Variants in LUZP2 observed in about 807,000 individuals in gnomAD.
The protein encoded by LUZP2 is leucine zipper protein 2.
LUZP2 carries 52 observed loss-of-function variants against 51.6 expected under a neutral mutation model. The ratio of observed to expected loss-of-function variants is 1.01; its 90% CI spans 0.81 to 1.27. The LOEUF is 1.27. Ranked by LOEUF, LUZP2 falls within the 50% of genes most tolerant of loss-of-function variation. The pLI is 0.00. For synonymous variants in LUZP2, 154 were observed against 137.3 expected, an observed-to-expected ratio of 1.12 and a Z score of -0.85; for missense variants, 436 against 395.4, an observed-to-expected ratio of 1.10 and a Z score of -0.87.
At chr11:24,534,760 A>C (rs1421767523) in intron 1 of LUZP2, among the ~76,000 whole-genome samples, 1 of 151,528 alleles carries the variant, frequency 6.6e-6, no homozygotes, top group African/African-American at 2.4e-5. Flanking sequence ...TTAGAAAAAC[A>C]ATTGTCATAT....
intron 1 of LUZP2, among the ~76,000 whole-genome samples, chr11:24,590,553 A>C (rs1448431103): frequency 6.6e-6 from 1 of 152,190 alleles, no homozygotes; most frequent in East Asian, 1.9e-4. Flanking sequence ...GAAACAGATA[A>C]AGTATAATGA....
chr11:24,909,555 C>T (rs920244368), intron 6 of LUZP2, among the ~76,000 whole-genome samples: 5 of 150,864 alleles, frequency 3.3e-5, no homozygotes, highest in African/African-American at 4.9e-5. Context: ...TGGTTGTAAA[C>T]GAGTCCTAGA....
intron 1 of LUZP2, among the ~76,000 whole-genome samples, chr11:24,605,654 G>C (rs139259384): frequency 2.6e-4 from 40 of 151,732 alleles, no homozygotes; most frequent in Admixed American, 6.6e-4. Context: ...TATATTCAAG[G>C]TATTTAAAGT....
chr11:24,860,214 C>G (rs1055707348), intron 5 of LUZP2, among the ~76,000 whole-genome samples: 1 of 152,194 alleles, frequency 6.6e-6, no homozygotes, highest in Non-Finnish European at 1.5e-5. Context: ...CAGACCCTGT[C>G]CCATCCTTCC....
chr11:24,959,078 T>C (rs770723129), intron 7 of LUZP2, among the ~76,000 whole-genome samples: 33 of 152,282 alleles, frequency 2.2e-4, no homozygotes, highest in Non-Finnish European at 4.6e-4. Flanking sequence ...TGTGTGGCAT[T>C]ATTTCTGAGG....
chr11:25,049,301 GC>G (rs1858416175), intron 9 of LUZP2, among the ~76,000 whole-genome samples: 1 of 152,152 alleles, frequency 6.6e-6, no homozygotes, highest in African/African-American at 2.4e-5. Context: ...GGATTGAGGA[GC>G]TGAGTGAAAC....
At chr11:24,801,797 T>A (rs961239452) in intron 5 of LUZP2, among the ~76,000 whole-genome samples, 1 of 150,982 alleles carries the variant, frequency 6.6e-6, no homozygotes, top group Non-Finnish European at 1.5e-5. Context: ...AATGACAGCA[T>A]CCTAGATTTT....
intron 1 of LUZP2, among the ~76,000 whole-genome samples, chr11:24,659,913 G>A (rs910573326): frequency 6.6e-6 from 1 of 152,082 alleles, no homozygotes; most frequent in African/African-American, 2.4e-5. Context: ...GATTGTGTTA[G>A]ATTAGATTAG....
chr11:24,722,556 G>A (rs1858316102), intron 1 of LUZP2, among the ~76,000 whole-genome samples: 1 of 151,908 alleles, frequency 6.6e-6, no homozygotes, highest in Admixed American at 6.6e-5. Flanking sequence ...ATTTGGGAGG[G>A]GACACAGCCA....
At chr11:25,037,866 C>G (rs1857913395) in intron 9 of LUZP2, among the ~76,000 whole-genome samples, 1 of 151,634 alleles carries the variant, frequency 6.6e-6, no homozygotes, top group South Asian at 2.1e-4. Context: ...GGTTCCCTGC[C>G]CCTTCTCTCT....
chr11:24,837,800 C>T (rs1850904041), intron 5 of LUZP2, among the ~76,000 whole-genome samples: 1 of 151,596 alleles, frequency 6.6e-6, no homozygotes, highest in African/African-American at 2.4e-5. Context: ...TCTACATGCT[C>T]AATATACTAT....
chr11:24,607,333 T>A (rs11028061), intron 1 of LUZP2, among the ~76,000 whole-genome samples: 2 of 132,776 alleles, frequency 1.5e-5, no homozygotes, highest in South Asian at 2.4e-4. Context: ...AAGATGGGGA[T>A]ATTATGTCTT....
Position 24,742,057 on chromosome 11 carries a change from T to TTATATATATATATATATATATATA in LUZP2, c.333+3774_333+3775insATATATATATATATATATATATAT, listed in dbSNP as rs1554983398. On this transcript the variant is annotated intron_variant, in intron 4 of 11. Transcript: ENST00000336930. ...TATAAATACATAAAAATAAATATAA[T>TTATATATATATATATATATATATA]TATATATATATATATATATCACCAT... Among the ~76,000 whole-genome samples, 263 of 116,258 alleles carry TTATATATATATATATATATATATA rather than the reference T, an allele frequency of 2.3e-3. 8 individuals carry two copies. The highest frequency in any genetic ancestry group is 3.6e-3 in the African/African-American group (86 of 23,828). The allele number at this position is 116,258 out of a possible 152,430, so 76.3% of individuals were successfully genotyped here.
chr11:24,547,604 T>C (rs1368379854), intron 1 of LUZP2, among the ~76,000 whole-genome samples: 3 of 152,012 alleles, frequency 2.0e-5, no homozygotes, highest in African/African-American at 4.8e-5. Flanking sequence ...ATGTGAAACC[T>C]AAAACTAATA....
At chr11:24,752,182 A>G (rs192636109) in intron 4 of LUZP2, among the ~76,000 whole-genome samples, 7 of 152,298 alleles carry the variant, frequency 4.6e-5, no homozygotes, top group African/African-American at 1.7e-4. Flanking sequence ...TTATCGTGCC[A>G]TCGTGAAATT....
chr11:25,047,138 G>A (rs769020963), intron 9 of LUZP2, among the ~76,000 whole-genome samples: 1 of 152,152 alleles, frequency 6.6e-6, no homozygotes, highest in Non-Finnish European at 1.5e-5. Flanking sequence ...TGATTTTGCA[G>A]CTGTGGTTCT....
In LUZP2 at chr11:25,003,958, G is replaced by T. The variant is rs181947138; in HGVS notation, c.765+20665G>T. Among the ~76,000 whole-genome samples, 8 of 152,318 alleles carry T rather than the reference G, an allele frequency of 5.3e-5. No individual in the cohort carries two copies. In the East Asian group the frequency reaches 1.5e-3, roughly 29 times the overall value. ...AGGTGGGAGAAATACCTGTTTACAG[G>T]CTGTCCCAGGATTCCTCGGATGGTA... On this transcript the variant is annotated intron_variant, in intron 9 of 11. Coordinates refer to ENST00000336930, the MANE Select transcript of LUZP2 (RefSeq NM_001009909.4).
chr11:24,861,174 C>A (rs1489804301), intron 5 of LUZP2, among the ~76,000 whole-genome samples: 2 of 151,994 alleles, frequency 1.3e-5, no homozygotes, highest in Non-Finnish European at 2.9e-5. Flanking sequence ...TATCAACAGA[C>A]AAATCAACCA....
At chr11:24,752,889 A>G (rs1287123515) in intron 4 of LUZP2, among the ~76,000 whole-genome samples, 3 of 152,114 alleles carry the variant, frequency 2.0e-5, no homozygotes, top group Admixed American at 6.6e-5. Context: ...TAAAATTAAA[A>G]GAATAGGAAA....
Sources: allele counts gnomAD v4.1 joint callset (sites outside exome capture counted in the v4.1 genomes callset), GRCh38; gene constraint gnomAD v4.1.1; transcripts MANE v1.5; gene names NCBI Gene and HGNC (gene_info 2026-07-23, HGNC 2026-07-21).